The following SDK1 variants were observed in gnomAD, a reference collection of about 807,000 sequenced individuals.
The protein encoded by SDK1 is sidekick cell adhesion molecule 1.
In SDK1, 157 loss-of-function variants were observed where a neutral mutation model predicts 245.5. The ratio of observed to expected loss-of-function variants is 0.64; its 90% CI spans 0.56 to 0.73. The LOEUF is 0.73. Ranked by LOEUF, SDK1 falls within the 30% of genes least tolerant of loss-of-function variation. The pLI is 0.00. For missense variants in SDK1, 3,583 were observed against 3,002.3 expected (o/e 1.19, Z -4.52); for synonymous variants, 1,647 against 1,278.5 (o/e 1.29, Z -6.15).
chr7:3,787,467 T>A (rs1055312688), intron 4 of SDK1, among the ~76,000 whole-genome samples: 2 of 152,030 alleles, frequency 1.3e-5, no homozygotes, highest in African/African-American at 4.8e-5. Context: ...ACCCTAGAGA[T>A]GAACCTGTGT....
intron 1 of SDK1, among the ~76,000 whole-genome samples, chr7:3,501,038 C>G (rs1219242164): frequency 6.6e-6 from 1 of 151,998 alleles, no homozygotes. Context: ...GTTTTGATTT[C>G]TAACTTCTCT....
At chr7:3,347,021 GTT>G (rs1405483450) in intron 1 of SDK1, among the ~76,000 whole-genome samples, 1 of 150,916 alleles carries the variant, frequency 6.6e-6, no homozygotes, top group Non-Finnish European at 1.5e-5. Context: ...ATTGGAGAGA[GTT>G]TCACTTCATA....
intron 5 of SDK1, among the ~76,000 whole-genome samples, chr7:3,852,560 A>T (rs1780444361): frequency 6.6e-6 from 1 of 151,808 alleles, no homozygotes; most frequent in East Asian, 1.9e-4. Flanking sequence ...ATCCTGGCTA[A>T]CACGGTGAAA....
chr7:4,025,075 T>G (rs1467518516), intron 17 of SDK1, among the ~76,000 whole-genome samples: 1 of 152,012 alleles, frequency 6.6e-6, no homozygotes. Flanking sequence ...GGAACAATAG[T>G]GACTCTCCCA....
chr7:4,234,609 C>T (rs1786028046), intron 41 of SDK1, among the ~76,000 whole-genome samples: 1 of 152,094 alleles, frequency 6.6e-6, no homozygotes, highest in Non-Finnish European at 1.5e-5. Context: ...TGGTTGTGGC[C>T]CCCCAGCCCC....
intron 5 of SDK1, among the ~76,000 whole-genome samples, chr7:3,937,669 G>A (rs1384912849): frequency 6.6e-6 from 1 of 152,106 alleles, no homozygotes; most frequent in African/African-American, 2.4e-5. Flanking sequence ...TTTGTGCCAG[G>A]GAGCTCCTGC....
intron 13 of SDK1, among the ~76,000 whole-genome samples, chr7:3,983,329 G>C (rs1273711513): frequency 2.0e-5 from 3 of 152,146 alleles, no homozygotes; most frequent in Non-Finnish European, 4.4e-5. Flanking sequence ...GATGCGCCAG[G>C]CTTCACTGCT....
At chr7:3,423,501 A>G (rs1282069137) in intron 1 of SDK1, among the ~76,000 whole-genome samples, 1 of 152,098 alleles carries the variant, frequency 6.6e-6, no homozygotes, top group African/African-American at 2.4e-5. Flanking sequence ...GTGAGAATAT[A>G]AAAACAAATT....
At position 4,221,265 on chromosome 7, in the gene SDK1, C is replaced by T. The variant is rs1411062764; in HGVS notation, c.5728C>T (p.Leu1910=). The T allele has an allele frequency of 7.4e-6, 12 of 1,613,740 alleles. No individual in the cohort carries two copies. The African/African-American group carries it at 1.5e-4, about 20-fold the overall frequency. ...EGSPGSPRDV[L]VTKSASELTL... ...ATCCCCGGGCTCGCCTAGAGATGTCCTGGTCACCAAGTCCGCCTCTGAACT... is the reference window on the plus strand; with the variant it reads ...ATCCCCGGGCTCGCCTAGAGATGTCTTGGTCACCAAGTCCGCCTCTGAACT... Residue 1910 remains leucine (L), a synonymous_variant, in exon 40 of 45, where the codon CTG becomes TTG. Coordinates refer to ENST00000404826, the MANE Select transcript of SDK1 (RefSeq NM_152744.4).
At chr7:3,367,358 G>A (rs1338553431) in intron 1 of SDK1, among the ~76,000 whole-genome samples, 2 of 152,190 alleles carry the variant, frequency 1.3e-5, no homozygotes, top group South Asian at 2.1e-4. Context: ...AGAAAAGTTA[G>A]GAATTACTTT....
At position 4,040,705 on chromosome 7, in the gene SDK1, G is replaced by A. The variant is rs77302141; in HGVS notation, c.2603-8643G>A. On this transcript the variant is annotated intron_variant, in intron 17 of 44. Coordinates refer to ENST00000404826, the MANE Select transcript of SDK1 (RefSeq NM_152744.4). ...AAGGCACAAAAAACCAGGACTGGAT[G>A]CGCCATTTGCATAGCCTCCAAAAAT... is the stretch of plus-strand genomic sequence containing the variant. 6.7e-3 allele frequency among the ~76,000 whole-genome samples: 1,026 copies of A among 152,304 alleles called. 6 individuals carry two copies. The highest frequency in any genetic ancestry group is 0.024 in the African/African-American group (1,002 of 41,578).
chr7:3,671,398 A>G (rs181788903), intron 4 of SDK1, among the ~76,000 whole-genome samples: 31 of 152,336 alleles, frequency 2.0e-4, no homozygotes, highest in Non-Finnish European at 4.0e-4. Context: ...AAGGAAATGG[A>G]ATCAATGTAC....
At chr7:4,079,618 G>A (rs776170384) in intron 22 of SDK1, 34 bp downstream of exon 22, 1 of 1,612,996 alleles carries the variant, frequency 6.2e-7, no homozygotes. Flanking sequence ...GCTGGCATTT[G>A]CGAAGAGCAG....
At chr7:3,582,335 C>G (rs186123105) in intron 1 of SDK1, among the ~76,000 whole-genome samples, 2 of 148,306 alleles carry the variant, frequency 1.3e-5, no homozygotes, top group African/African-American at 5.1e-5. Context: ...GTAGGTCTGT[C>G]TCAGGTAGGT....
intron 1 of SDK1, among the ~76,000 whole-genome samples, chr7:3,604,683 A>G (rs1024943837): frequency 1.4e-5 from 2 of 145,810 alleles, no homozygotes; most frequent in Admixed American, 1.4e-4. Context: ...GCTCACTGCA[A>G]CCTCTACCTC....
At chr7:3,749,535 G>A (rs973432683) in intron 4 of SDK1, among the ~76,000 whole-genome samples, 1 of 152,242 alleles carries the variant, frequency 6.6e-6, no homozygotes, top group African/African-American at 2.4e-5. Flanking sequence ...TCCTGACCTC[G>A]TGATCCGCCC....
intron 1 of SDK1, among the ~76,000 whole-genome samples, chr7:3,478,592 C>G (rs1161747474): frequency 6.6e-6 from 1 of 151,654 alleles, no homozygotes; most frequent in Non-Finnish European, 1.5e-5. Flanking sequence ...TTTGTGTGGG[C>G]CTTTTTCTTT....
chr7:3,560,890 C>G (rs1027935264), intron 1 of SDK1, among the ~76,000 whole-genome samples: 2 of 152,198 alleles, frequency 1.3e-5, no homozygotes, highest in African/African-American at 4.8e-5. Context: ...ATGGCTGTTT[C>G]CTACACTTCC....
At chr7:3,719,254 T>C (rs1253112300) in intron 4 of SDK1, among the ~76,000 whole-genome samples, 2 of 151,900 alleles carry the variant, frequency 1.3e-5, no homozygotes, top group Non-Finnish European at 1.5e-5. Context: ...GTTTTTTTTT[T>C]TTTTTTTTAA....
Sources: allele counts gnomAD v4.1 joint callset (sites outside exome capture counted in the v4.1 genomes callset), GRCh38; gene constraint gnomAD v4.1.1; transcripts MANE v1.5; gene names NCBI Gene and HGNC (gene_info 2026-07-23, HGNC 2026-07-21).